The following TCP11L1 variants were observed in gnomAD, a reference collection of about 807,000 sequenced individuals.
The protein encoded by TCP11L1 is t-complex 11 like 1, also known as T-complex protein 11-like protein 1.
TCP11L1 carries 28 observed loss-of-function variants against 48.9 expected under a neutral mutation model. The observed-to-expected ratio is 0.57, with a 90% CI of 0.42 to 0.78. TCP11L1 has a LOEUF of 0.78. Among genes scored for constraint, TCP11L1 ranks in the 30% least tolerant of loss-of-function variants. The pLI is 0.00. For missense variants in TCP11L1, 505 were observed against 613.4 expected (o/e 0.82, Z 1.87); for synonymous variants, 204 against 231.9 (o/e 0.88, Z 1.09).
intron 2 of TCP11L1, 98 bp downstream of exon 2, chr11:33,044,034 T>C: frequency 1.6e-6 from 2 of 1,242,666 alleles, no homozygotes; most frequent in Non-Finnish European, 2.2e-6. Context: ...AGCTAGGTTC[T>C]AATAATATAA....
intron 6 of TCP11L1, among the ~76,000 whole-genome samples, chr11:33,060,739 G>A (rs1854444620): frequency 6.6e-6 from 1 of 152,132 alleles, no homozygotes; most frequent in South Asian, 2.1e-4. Flanking sequence ...TTGATACAAG[G>A]TTAAGATCTA....
At chr11:33,044,001 G>A (rs7926030) in intron 2 of TCP11L1, 65 bp downstream of exon 2, 567,514 of 1,459,344 alleles carry the variant, frequency 0.39, 112,195 homozygotes, top group East Asian at 0.43. Context: ...GTTTTATGAG[G>A]CCTCCTTGTG....
chr11:33,049,092 A>C (rs1854080855), intron 2 of TCP11L1, among the ~76,000 whole-genome samples: 1 of 152,112 alleles, frequency 6.6e-6, no homozygotes, highest in Non-Finnish European at 1.5e-5. Flanking sequence ...TCTACTAAAA[A>C]TACATAAATT....
chr11:33,073,493 G>A lies in TCP11L1; in HGVS notation c.*817G>A, dbSNP rs948508875. 1 of 152,012 alleles carries A rather than the reference G, an allele frequency of 6.6e-6. No individual in the cohort carries two copies. Among genetic ancestry groups the A allele is most frequent in the African/African-American group, 2.4e-5 (1 of 41,422 alleles). 9.4% of individuals were successfully genotyped at this position (152,012 alleles called of 1,614,324 possible). A position where few individuals can be genotyped will look rare whatever the true frequency, so the allele number is the denominator to read the frequency against. On this transcript the variant is annotated 3_prime_UTR_variant, in exon 10 of 10. Coordinates refer to ENST00000334274, the MANE Select transcript of TCP11L1 (RefSeq NM_018393.4). The stretch of plus-strand genomic sequence containing the variant: ...TAATGTGAACGAAGAGAAATGTCTG[G>A]AATTCTTACTGAAAAATTGACCCTG...
intron 7 of TCP11L1, among the ~76,000 whole-genome samples, chr11:33,065,545 G>C (rs1341017177): frequency 6.6e-6 from 1 of 152,206 alleles, no homozygotes; most frequent in African/African-American, 2.4e-5. Flanking sequence ...TTACAGGCGT[G>C]AGCCACCGCG....
At position 33,073,512 on chromosome 11, in the gene TCP11L1, G is replaced by A. The variant is rs1854857883; in HGVS notation, c.*836G>A. On this transcript the variant is annotated 3_prime_UTR_variant, in exon 10 of 10. Transcript: ENST00000334274. ...TGTCTGGAATTCTTACTGAAAAATT[G>A]ACCCTGAGACAATACACAGATGTGA... 3 of 152,068 alleles carry A rather than the reference G, an allele frequency of 2.0e-5. No individual in the cohort carries two copies. The highest frequency in any genetic ancestry group is 2.0e-4 in the Admixed American group (3 of 15,274). The allele number at this position is 152,068 out of a possible 1,614,324, so 9.4% of individuals were successfully genotyped here. A position where few individuals can be genotyped will look rare whatever the true frequency, so the allele number is the denominator to read the frequency against.
At chr11:33,048,105 C>CA (rs746328801) in intron 2 of TCP11L1, among the ~76,000 whole-genome samples, 2 of 152,034 alleles carry the variant, frequency 1.3e-5, no homozygotes, top group Non-Finnish European at 2.9e-5. Flanking sequence ...AATGCTGTAA[C>CA]AAAATAACAA....
intron 2 of TCP11L1, among the ~76,000 whole-genome samples, chr11:33,051,894 C>T (rs751521923): frequency 3.3e-5 from 5 of 152,116 alleles, no homozygotes; most frequent in Non-Finnish European, 5.9e-5. Context: ...AGTGTCAGTC[C>T]TCTAGCTTTA....
chr11:33,065,922 C>T lies in TCP11L1; in HGVS notation c.1065C>T (p.Ser355=), dbSNP rs1484218884. 2 of 1,614,100 alleles carry T rather than the reference C, an allele frequency of 1.2e-6. No individual in the cohort carries two copies. The highest frequency in any genetic ancestry group is 2.7e-5 in the African/African-American group (2 of 74,948). Residue 355 remains serine (S), a synonymous_variant, in exon 8 of 10, where the codon AGC becomes AGT. Coordinates refer to ENST00000334274, the MANE Select transcript of TCP11L1 (RefSeq NM_018393.4). ...GGGCTGTGTTGCTGGTCACCTTCAG[C>T]ATGGCAGCGCCAGGAATTTCCAGCC... The part of the protein sequence containing the change: ...ILGAVLLVTF[S]MAAPGISSQA...
In TCP11L1 at chr11:33,073,245, C is replaced by T. The variant is rs1466577857; in HGVS notation, c.*569C>T. On this transcript the variant is annotated 3_prime_UTR_variant, in exon 10 of 10. Coordinates refer to ENST00000334274, the MANE Select transcript of TCP11L1 (RefSeq NM_018393.4). ...TTTTTTCTAGAGGAGAGTTATTTGT[C>T]TCTCTCTCTTTTTTTTTTTACTTTC... 1 of 152,292 alleles carries T rather than the reference C, an allele frequency of 6.6e-6. No homozygotes were observed. The highest frequency in any genetic ancestry group is 1.5e-5 in the Non-Finnish European group (1 of 68,234). 9.4% of individuals were successfully genotyped at this position (152,292 alleles called of 1,614,324 possible). A position where few individuals can be genotyped will look rare whatever the true frequency, so the allele number is the denominator to read the frequency against.
intron 9 of TCP11L1, among the ~76,000 whole-genome samples, chr11:33,070,386 C>T (rs1854746322): frequency 6.6e-6 from 1 of 152,168 alleles, no homozygotes; most frequent in South Asian, 2.1e-4. Context: ...GAGAACCAAA[C>T]TAACTTAAGA....
intron 1 of TCP11L1, among the ~76,000 whole-genome samples, chr11:33,042,800 G>A (rs1042105933): frequency 6.6e-6 from 1 of 152,158 alleles, no homozygotes; most frequent in Admixed American, 6.5e-5. Flanking sequence ...AGGCGCAGTG[G>A]CTCACGCCTG....
At chr11:33,045,899 C>T (rs1310744356) in intron 2 of TCP11L1, among the ~76,000 whole-genome samples, 2 of 152,230 alleles carry the variant, frequency 1.3e-5, no homozygotes, top group East Asian at 1.9e-4. Flanking sequence ...ACATGATCTA[C>T]AGCTGTGACG....
Position 33,061,696 on chromosome 11 carries a change from G to T in TCP11L1, c.942G>T (p.Lys314Asn), listed in dbSNP as rs1244023705. 1 of 1,607,576 alleles carries T rather than the reference G, an allele frequency of 6.2e-7. No individual in the cohort carries two copies. Among genetic ancestry groups the T allele is most frequent in the East Asian group, 2.2e-5 (1 of 44,732 alleles). ...ATTACGCTTACCTGAAGCTTCTGAA[G>T]TGGGACCACCTCCAGAGGCCGTTCC... Reference protein sequence around the residue: ...VQNYAYLKLLKWDHLQRPFPE... With the variant: ...VQNYAYLKLLNWDHLQRPFPE... Residue 314 changes from lysine (K) to asparagine (N), a missense_variant, in exon 7 of 10, where the codon AAG becomes AAT. Lys to Asn is a moderately conservative substitution (Grantham distance 94). Transcript: ENST00000334274.
Position 33,057,220 on chromosome 11 carries a change from A to G in TCP11L1, c.402A>G (p.Val134=). The stretch of plus-strand genomic sequence containing the variant: ...CATATGACCATGCTATCAAACTTGT[A>G]GGAGAAATCAAAGAGGTGAGGCAAA... ...PPAYDHAIKL[V]GEIKETLLSF... Residue 134 remains valine (V), a synonymous_variant, in exon 4 of 10, where the codon GTA becomes GTG. Transcript: ENST00000334274. The G allele has an allele frequency of 1.2e-6, 2 of 1,614,130 alleles. No homozygotes were observed. Among genetic ancestry groups the G allele is most frequent in the African/African-American group, 2.7e-5 (2 of 75,018 alleles).
chr11:33,069,061 C>T (rs1302373575), intron 9 of TCP11L1, among the ~76,000 whole-genome samples: 1 of 152,010 alleles, frequency 6.6e-6, no homozygotes, highest in African/African-American at 2.4e-5. Flanking sequence ...AGGGCTGCAA[C>T]CTTGGAATCA....
At chr11:33,064,451 C>T (rs1030371260) in intron 7 of TCP11L1, among the ~76,000 whole-genome samples, 31 of 152,314 alleles carry the variant, frequency 2.0e-4, no homozygotes, top group African/African-American at 7.0e-4. Flanking sequence ...AGAGTCCATT[C>T]GATGAGCCTG....
At chr11:33,050,992 G>A (rs997640869) in intron 2 of TCP11L1, among the ~76,000 whole-genome samples, 8 of 151,946 alleles carry the variant, frequency 5.3e-5, no homozygotes, top group African/African-American at 1.7e-4. Flanking sequence ...TGTATTTTTT[G>A]TAGAGATGGG....
intron 1 of TCP11L1, chr11:33,040,419 T>A (rs1366148677): frequency 1.3e-5 from 2 of 152,186 alleles, no homozygotes; most frequent in Non-Finnish European, 2.9e-5. Context: ...AGGAGGACAC[T>A]GAAGTTACAC....
Sources: allele counts gnomAD v4.1 joint callset (sites outside exome capture counted in the v4.1 genomes callset), GRCh38; gene constraint gnomAD v4.1.1; transcripts MANE v1.5; gene names NCBI Gene and HGNC (gene_info 2026-07-23, HGNC 2026-07-21).